The following DENND1A variants were observed in gnomAD, a reference collection of about 807,000 sequenced individuals.
DENND1A encodes the protein DENN domain-containing protein 1A.
DENND1A carries 51 observed loss-of-function variants against 113.7 expected under a neutral mutation model. The ratio of observed to expected loss-of-function variants is 0.45; its 90% confidence interval spans 0.36 to 0.57. The LOEUF (loss-of-function observed/expected upper bound fraction) is 0.57. Among genes scored for constraint, DENND1A ranks in the 20% least tolerant of loss-of-function variants. DENND1A has a pLI of 0.00. For synonymous variants in DENND1A, 565 were observed against 570.8 expected, an observed-to-expected ratio of 0.99 and a Z score of 0.14; for missense variants, 1,258 against 1,395.9, an observed-to-expected ratio of 0.90 and a Z score of 1.57.
At chr9:123,829,788 C>CA (rs1564353251) in intron 2 of DENND1A, among the ~76,000 whole-genome samples, 1 of 152,036 alleles carries the variant, frequency 6.6e-6, no homozygotes, top group African/African-American at 2.4e-5. Flanking sequence ...GTTCTTCCAA[C>CA]CTTTTAAGGA....
chr9:123,915,596 G>A (rs1588231091), intron 1 of DENND1A, among the ~76,000 whole-genome samples: 1 of 152,118 alleles, frequency 6.6e-6, no homozygotes, highest in East Asian at 1.9e-4. Context: ...TATCAGATGA[G>A]TAGAAGAGAG....
chr9:123,675,420 A>G (rs1411565568), intron 6 of DENND1A, among the ~76,000 whole-genome samples: 1 of 152,208 alleles, frequency 6.6e-6, no homozygotes, highest in Non-Finnish European at 1.5e-5. Context: ...TAAGGAGATG[A>G]AAATGAAACA....
At chr9:123,911,291 A>G (rs1853909976) in intron 1 of DENND1A, among the ~76,000 whole-genome samples, 1 of 152,248 alleles carries the variant, frequency 6.6e-6, no homozygotes, top group Non-Finnish European at 1.5e-5. Context: ...AGTGTTGGAT[A>G]TGAAACAAGT....
At position 123,554,651 on chromosome 9, in the gene DENND1A, T is replaced by A. The variant is rs557317711; in HGVS notation, c.993+2919A>T. Among the ~76,000 whole-genome samples, 4 of 152,368 alleles carry A rather than the reference T, an allele frequency of 2.6e-5. No individual in the cohort carries two copies. In the East Asian group the frequency reaches 7.7e-4, roughly 29 times the overall value. ...TGGAAGAAAGCCATTGTGGTTCAGA[T>A]GAACAGGATTGAAAGGCTGACAGGT... is the stretch of plus-strand genomic sequence containing the variant. On this transcript the variant is annotated intron_variant, in intron 13 of 23. Coordinates refer to ENST00000394215, the MANE Select transcript of DENND1A (RefSeq NM_001352964.2).
chr9:123,706,053 A>G (rs1191311286), intron 5 of DENND1A, among the ~76,000 whole-genome samples: 2 of 152,158 alleles, frequency 1.3e-5, no homozygotes, highest in Non-Finnish European at 2.9e-5. Context: ...CAGGGAAACC[A>G]GTTCTAACAA....
At chr9:123,741,723 G>C (rs540302065) in intron 5 of DENND1A, among the ~76,000 whole-genome samples, 1 of 152,270 alleles carries the variant, frequency 6.6e-6, no homozygotes, top group Non-Finnish European at 1.5e-5. Flanking sequence ...GTTAAATAAA[G>C]CTCCAGAGTG....
At chr9:123,734,188 T>A (rs2068392454) in intron 5 of DENND1A, among the ~76,000 whole-genome samples, 1 of 152,206 alleles carries the variant, frequency 6.6e-6, no homozygotes, top group Non-Finnish European at 1.5e-5. Flanking sequence ...TTTATTCATA[T>A]TTTAGCAAGA....
chr9:123,381,892 G>A lies in DENND1A; in HGVS notation c.2753C>T (p.Ala918Val). 8.8e-7 allele frequency: 1 copy of A among 1,141,614 alleles called. No individual in the cohort carries two copies. Among genetic ancestry groups the A allele is most frequent in the Non-Finnish European group, 1.1e-6 (1 of 904,794 alleles). The allele number at this position is 1,141,614 out of a possible 1,614,324, so 70.7% of individuals were successfully genotyped here. A position where few individuals can be genotyped will look rare whatever the true frequency, so the allele number is the denominator to read the frequency against. ...LVSTPAGPFG[A>V]PPASLGPAFA... ...AGCCGGCCCCAGGGAAGCTGGAGGG[G>A]CCCCGAAAGGCCCGGCTGGTGTGGA... Residue 918 changes from alanine to valine, a missense_variant, in exon 24 of 24, where the codon GCC (alanine) becomes GTC (valine). Physicochemically the swap from Ala to Val is moderately conservative, Grantham distance 64 (BLOSUM62 0). Coordinates refer to ENST00000394215, the MANE Select transcript of DENND1A (RefSeq NM_001352964.2). The surrounding 1 kb of genome is among the most constrained non-coding windows in gnomAD (Gnocchi z 4.7).
At chr9:123,825,325 AAAAG>A (rs1178917403) in intron 2 of DENND1A, among the ~76,000 whole-genome samples, 6 of 151,900 alleles carry the variant, frequency 3.9e-5, no homozygotes, top group East Asian at 1.9e-4. Context: ...TAAAAAAAAA[AAAAG>A]AAAGAAAAGA....
At chr9:123,838,645 A>C (rs1207163516) in intron 2 of DENND1A, among the ~76,000 whole-genome samples, 2 of 152,218 alleles carry the variant, frequency 1.3e-5, no homozygotes, top group African/African-American at 4.8e-5. Context: ...TATGTTGGCC[A>C]ATCAATCATT....
chr9:123,871,415 A>G (rs1415702298), intron 2 of DENND1A, among the ~76,000 whole-genome samples: 2 of 152,190 alleles, frequency 1.3e-5, no homozygotes, highest in Non-Finnish European at 2.9e-5. Context: ...GCTTTTTAAA[A>G]ATGTCTAATA....
chr9:123,828,339 T>G (rs1386707373), intron 2 of DENND1A, among the ~76,000 whole-genome samples: 6 of 151,956 alleles, frequency 3.9e-5, no homozygotes. Flanking sequence ...AATATCCAGA[T>G]TAAGCCCAAA....
chr9:123,903,698 C>T (rs1375058045), intron 1 of DENND1A, among the ~76,000 whole-genome samples: 1 of 152,232 alleles, frequency 6.6e-6, no homozygotes, highest in Non-Finnish European at 1.5e-5. Context: ...ATATTATATC[C>T]CGCACCTGGC....
chr9:123,510,369 C>A (rs1386974639), intron 13 of DENND1A, among the ~76,000 whole-genome samples: 1 of 152,216 alleles, frequency 6.6e-6, no homozygotes, highest in Non-Finnish European at 1.5e-5. Context: ...ATAGAATGAT[C>A]AGTGTGAGCA....
In DENND1A at chr9:123,552,039, CAGAGAG is replaced by C. The variant is rs58452320; in HGVS notation, c.993+5525_993+5530del. Among the ~76,000 whole-genome samples the C allele has an allele frequency of 4.9e-4, 63 of 128,428 alleles. No homozygotes were observed. The Middle Eastern group carries it at 0.015, about 31-fold the overall frequency. The allele number at this position is 128,428 out of a possible 152,430, so 84.3% of individuals were successfully genotyped here. On this transcript the variant is annotated intron_variant, in intron 13 of 23. Coordinates refer to ENST00000394215, the MANE Select transcript of DENND1A (RefSeq NM_001352964.2). ...AGAGCGAGAGAGAGAGAGAGAGAGA[CAGAGAG>C]AGAGAGAGAGAGAGAGAGAGAGAGG...
chr9:123,535,952 G>C (rs757423313), intron 13 of DENND1A, among the ~76,000 whole-genome samples: 3 of 152,128 alleles, frequency 2.0e-5, no homozygotes, highest in Non-Finnish European at 4.4e-5. Flanking sequence ...CAGAAAAGGG[G>C]GATTCTGGGA....
At chr9:123,710,689 T>G (rs1461338380) in intron 5 of DENND1A, among the ~76,000 whole-genome samples, 1 of 151,636 alleles carries the variant, frequency 6.6e-6, no homozygotes, top group Non-Finnish European at 1.5e-5. Context: ...TTTTTTTTTT[T>G]GAGACAGAGG....
chr9:123,388,550 C>T (rs982697722), intron 21 of DENND1A, among the ~76,000 whole-genome samples: 2 of 152,196 alleles, frequency 1.3e-5, no homozygotes, highest in Non-Finnish European at 2.9e-5. Flanking sequence ...TTCTGATTAG[C>T]GGCTGCTCTC....
chr9:123,555,040 G>A (rs10986048), intron 13 of DENND1A, among the ~76,000 whole-genome samples: 24,143 of 152,148 alleles, frequency 0.16, 1,964 homozygotes, highest in Admixed American at 0.2. Flanking sequence ...TTGGCATTAA[G>A]CATTTCCTTT....
Sources: gnomAD v4.1 joint callset for allele counts (sites outside exome capture counted in the v4.1 genomes callset) on GRCh38, gnomAD v4.1.1 for gene constraint, Gnocchi (gnomAD v3.1) non-coding constraint, MANE v1.5 for transcripts, NCBI Gene and HGNC (gene_info 2026-07-23, HGNC 2026-07-21) for gene names.